MANBA: variants seen among roughly 807,000 people sequenced by gnomAD.
MANBA encodes beta-mannosidase.
MANBA carries 83 observed loss-of-function variants against 111.1 expected under a neutral mutation model. The ratio of observed to expected loss-of-function variants is 0.75; its 90% CI spans 0.63 to 0.90. The LOEUF (loss-of-function observed/expected upper bound fraction) is 0.90, where lower values mean the gene tolerates loss of function less well. Among genes scored for constraint, MANBA ranks in the 40% least tolerant of loss-of-function variants. The probability of loss-of-function intolerance (pLI) is 0.00; values close to 1 mark genes in which losing one functional copy is unlikely to be tolerated. For missense variants in MANBA, 1,036 were observed against 1,069.0 expected, an observed-to-expected ratio of 0.97 and a Z score of 0.43; for synonymous variants, 370 against 378.7, an observed-to-expected ratio of 0.98 and a Z score of 0.27.
intron 11 of MANBA, among the ~76,000 whole-genome samples, chr4:102,663,252 G>A (rs966606566): frequency 1.3e-5 from 2 of 151,622 alleles, no homozygotes; most frequent in African/African-American, 4.9e-5. Context: ...CCACATAACA[G>A]CTCTTAAAAG....
chr4:102,707,633 A>G (rs999617882), intron 5 of MANBA, among the ~76,000 whole-genome samples: 11 of 152,232 alleles, frequency 7.2e-5, no homozygotes, highest in African/African-American at 2.7e-4. Context: ...AATTAATAAA[A>G]TGACAGGAAT....
intron 1 of MANBA, chr4:102,734,688 G>C (rs1723146554): frequency 9.8e-7 from 1 of 1,024,004 alleles, no homozygotes; most frequent in Admixed American, 2.3e-5. Context: ...TCTATATCCT[G>C]TTCCCCCTCT....
chr4:102,691,980 T>C (rs867908896), intron 5 of MANBA, among the ~76,000 whole-genome samples: 19 of 152,130 alleles, frequency 1.2e-4, no homozygotes, highest in African/African-American at 4.1e-4. Context: ...ACAAAATTGA[T>C]GAGGGGGTCA....
chr4:102,672,999 C>T (rs552249359), intron 8 of MANBA, among the ~76,000 whole-genome samples: 1 of 151,016 alleles, frequency 6.6e-6, no homozygotes, highest in Non-Finnish European at 1.5e-5. Flanking sequence ...TACCATGAAT[C>T]CTATAAATAG....
chr4:102,669,854 C>G (rs920180996), intron 9 of MANBA, among the ~76,000 whole-genome samples: 1 of 152,114 alleles, frequency 6.6e-6, no homozygotes, highest in African/African-American at 2.4e-5. Flanking sequence ...GTGGTGAGCG[C>G]CTGTGGTCCC....
At chr4:102,632,331 A>G in intron 16 of MANBA, 50 bp from the exon 17 acceptor site, 1 of 1,362,666 alleles carries the variant, frequency 7.3e-7, no homozygotes. Context: ...GGGAAGAGTT[A>G]TATAGTCTGT....
At chr4:102,641,608 A>G (rs1035593076) in intron 13 of MANBA, among the ~76,000 whole-genome samples, 17 of 152,142 alleles carry the variant, frequency 1.1e-4, no homozygotes, top group African/African-American at 3.9e-4. Context: ...TAAAGCAAGA[A>G]TCTCACAAAG....
At chr4:102,633,850 T>A (rs1307825634) in intron 16 of MANBA, among the ~76,000 whole-genome samples, 2 of 152,134 alleles carry the variant, frequency 1.3e-5, no homozygotes, top group Admixed American at 1.3e-4. Context: ...TTGTTACAGA[T>A]AACTTGGATT....
chr4:102,736,876 C>A (rs939210540), intron 1 of MANBA, among the ~76,000 whole-genome samples: 1 of 152,194 alleles, frequency 6.6e-6, no homozygotes, highest in Non-Finnish European at 1.5e-5. Flanking sequence ...TGTGAAACAG[C>A]CAAAAACTGT....
intron 5 of MANBA, among the ~76,000 whole-genome samples, chr4:102,705,033 G>T (rs1005432091): frequency 2.0e-5 from 3 of 152,176 alleles, no homozygotes; most frequent in African/African-American, 7.2e-5. Flanking sequence ...AACCCCTTCA[G>T]ATAGATCACC....
rs186840061 is a variant in MANBA, at chr4:102,693,262, C to A, written c.674-2491G>T. Among the ~76,000 whole-genome samples, 28 of 152,210 alleles carry A rather than the reference C, an allele frequency of 1.8e-4. No individual in the cohort carries two copies. In the East Asian group the frequency reaches 5.2e-3, roughly 28 times the overall value. The stretch of plus-strand genomic sequence containing the variant: ...GGTTGTCAAACTATGGTCTTTGGGA[C>A]AAATCTAGCCCACCTCTTGTTTTTA... On this transcript the variant is annotated intron_variant, in intron 5 of 16. Coordinates refer to ENST00000647097, the MANE Select transcript of MANBA (RefSeq NM_005908.4).
chr4:102,759,605 T>C, intron 1 of MANBA, among the ~76,000 whole-genome samples: 1 of 150,244 alleles, frequency 6.7e-6, no homozygotes. Context: ...AGGTCAGAAA[T>C]TTGGCACAAC....
At chr4:102,677,103 T>C (rs1364668630) in intron 7 of MANBA, among the ~76,000 whole-genome samples, 1 of 152,164 alleles carries the variant, frequency 6.6e-6, no homozygotes, top group Non-Finnish European at 1.5e-5. Context: ...AATAGAGTTG[T>C]ATGTAAGCTG....
chr4:102,691,982 A>AG (rs1343525487), intron 5 of MANBA, among the ~76,000 whole-genome samples: 1 of 152,174 alleles, frequency 6.6e-6, no homozygotes, highest in Non-Finnish European at 1.5e-5. Flanking sequence ...AAAATTGATG[A>AG]GGGGGTCAGC....
At chr4:102,758,940 G>A (rs1428852503) in intron 1 of MANBA, among the ~76,000 whole-genome samples, 1 of 152,124 alleles carries the variant, frequency 6.6e-6, no homozygotes, top group African/African-American at 2.4e-5. Context: ...GTTTTGCTAA[G>A]AATTTATGAA....
At chr4:102,649,478 C>T (rs1386192655) in intron 13 of MANBA, among the ~76,000 whole-genome samples, 10 of 152,078 alleles carry the variant, frequency 6.6e-5, no homozygotes, top group Admixed American at 6.6e-4. Context: ...ACTGGTATGG[C>T]TTTAATTTGC....
chr4:102,716,291 A>G (rs1314627409), intron 4 of MANBA, among the ~76,000 whole-genome samples: 1 of 148,420 alleles, frequency 6.7e-6, no homozygotes, highest in Non-Finnish European at 1.5e-5. Flanking sequence ...CCTGGGCAAC[A>G]AGAGTGAAAC....
At chr4:102,751,819 A>G in intron 1 of MANBA, 1 of 510,198 alleles carries the variant, frequency 2.0e-6, no homozygotes, top group East Asian at 5.4e-5. Flanking sequence ...GGACATAGGG[A>G]TGTCTTAAAA....
At chr4:102,730,724 G>A in intron 1 of MANBA, 1 of 525,936 alleles carries the variant, frequency 1.9e-6, no homozygotes, top group Non-Finnish European at 3.8e-6. Context: ...CCTACAGATA[G>A]ATGCTTCTTC....
Sources: allele counts gnomAD v4.1 joint callset (sites outside exome capture counted in the v4.1 genomes callset), GRCh38; gene constraint gnomAD v4.1.1; transcripts MANE v1.5; gene names NCBI Gene and HGNC (gene_info 2026-07-23, HGNC 2026-07-21).